PRR16: variants seen among roughly 807,000 people sequenced by gnomAD.
The protein encoded by PRR16 is proline rich 16.
In PRR16, 6 loss-of-function variants were observed where a neutral mutation model predicts 18.2. That is an observed-to-expected ratio of 0.33 (90% CI 0.18 to 0.65). The LOEUF (loss-of-function observed/expected upper bound fraction) is 0.65. PRR16 is among the 30% of genes least tolerant of loss of function. PRR16 has a pLI of 0.74. For synonymous variants in PRR16, 151 were observed against 147.8 expected, an observed-to-expected ratio of 1.02 and a Z score of -0.16; for missense variants, 412 against 376.6, an observed-to-expected ratio of 1.09 and a Z score of -0.78.
At chr5:120,582,215 A>G (rs1003416003) in intron 1 of PRR16, among the ~76,000 whole-genome samples, 35 of 152,186 alleles carry the variant, frequency 2.3e-4, no homozygotes, top group African/African-American at 7.5e-4. Flanking sequence ...AGAAAATGAA[A>G]TACTGCATGT....
At chr5:120,578,779 G>C (rs1327043873) in intron 1 of PRR16, among the ~76,000 whole-genome samples, 1 of 151,902 alleles carries the variant, frequency 6.6e-6, no homozygotes, top group East Asian at 1.9e-4. Context: ...GGGATTGCTG[G>C]GTGAAATGGT....
chr5:120,793,285 C>T, the PRR16 span, among the ~76,000 whole-genome samples: 1 of 151,570 alleles, frequency 6.6e-6, no homozygotes, highest in Non-Finnish European at 1.5e-5. Flanking sequence ...GTATCCAGTA[C>T]AACAAATGTA....
chr5:120,533,885 G>C (rs992905302), intron 1 of PRR16, among the ~76,000 whole-genome samples: 2 of 152,174 alleles, frequency 1.3e-5, no homozygotes, highest in African/African-American at 4.8e-5. Flanking sequence ...AAAATAGCCT[G>C]CAGGTAGTGA....
chr5:120,510,070 T>C (rs1290131222), intron 1 of PRR16, among the ~76,000 whole-genome samples: 1 of 152,118 alleles, frequency 6.6e-6, no homozygotes, highest in African/African-American at 2.4e-5. Flanking sequence ...GAGTTAAAGG[T>C]CCTTAGGTTA....
chr5:120,721,024 T>C, the PRR16 span, among the ~76,000 whole-genome samples: 1 of 152,102 alleles, frequency 6.6e-6, no homozygotes, highest in Non-Finnish European at 1.5e-5. Context: ...AAAGGTTATA[T>C]TGATGACCAT....
At chr5:120,769,055 C>T in the PRR16 span, among the ~76,000 whole-genome samples, 2 of 150,700 alleles carry the variant, frequency 1.3e-5, no homozygotes, top group African/African-American at 2.4e-5. Flanking sequence ...TTCTCAGTGT[C>T]CTCAAATTAA....
chr5:120,728,798 T>C, the PRR16 span, among the ~76,000 whole-genome samples: 1 of 152,214 alleles, frequency 6.6e-6, no homozygotes, highest in African/African-American at 2.4e-5. Flanking sequence ...CAGCCACATA[T>C]TACTTTGAAA....
intron 1 of PRR16, among the ~76,000 whole-genome samples, chr5:120,492,963 A>T (rs927798216): frequency 6.6e-6 from 1 of 152,158 alleles, no homozygotes; most frequent in African/African-American, 2.4e-5. Flanking sequence ...TTGTTGGCCG[A>T]TGGACACTTA....
chr5:120,623,344 C>G lies in PRR16; in HGVS notation c.160-62610C>G, dbSNP rs1461110781. 3.3e-5 allele frequency among the ~76,000 whole-genome samples: 5 copies of G among 152,102 alleles called. No homozygotes were observed. In the East Asian group the frequency reaches 9.7e-4, roughly 29 times the overall value. Reference sequence around the variant, plus strand: ...TATGTCCTAATTCATTCCTACTAATCAGGATTCTACCTATATAAATAAACT... The same window carrying G: ...TATGTCCTAATTCATTCCTACTAATGAGGATTCTACCTATATAAATAAACT... On this transcript the variant is annotated intron_variant, in intron 1 of 1. Transcript: ENST00000407149.
At chr5:120,767,618 T>A in the PRR16 span, among the ~76,000 whole-genome samples, 1 of 151,892 alleles carries the variant, frequency 6.6e-6, no homozygotes, top group African/African-American at 2.4e-5. Context: ...TTACTTTGAT[T>A]GCATAAAGTT....
At chr5:120,656,539 G>A (rs567134021) in intron 1 of PRR16, among the ~76,000 whole-genome samples, 3 of 150,144 alleles carry the variant, frequency 2.0e-5, no homozygotes, top group Non-Finnish European at 3.0e-5. Flanking sequence ...ATCGTTATAA[G>A]TATGATGCCA....
intron 1 of PRR16, among the ~76,000 whole-genome samples, chr5:120,634,000 A>G (rs570901589): frequency 6.6e-6 from 1 of 152,332 alleles, no homozygotes; most frequent in Admixed American, 6.5e-5. Flanking sequence ...ACTATTCATT[A>G]GCACATGGAA....
intron 1 of PRR16, among the ~76,000 whole-genome samples, chr5:120,575,522 T>C (rs1454625790): frequency 2.0e-5 from 3 of 152,114 alleles, no homozygotes; most frequent in East Asian, 3.9e-4. Flanking sequence ...CCAATAAACA[T>C]GGTATGTCAG....
intron 1 of PRR16, among the ~76,000 whole-genome samples, chr5:120,610,541 G>A (rs1462813301): frequency 1.3e-5 from 2 of 151,866 alleles, no homozygotes; most frequent in Non-Finnish European, 2.9e-5. Flanking sequence ...GAATCACGGG[G>A]GCCAGTCTTT....
chr5:120,547,085 C>T (rs1752098099), intron 1 of PRR16, among the ~76,000 whole-genome samples: 2 of 151,950 alleles, frequency 1.3e-5, no homozygotes, highest in South Asian at 4.1e-4. Context: ...TGTCATGGTG[C>T]TGGAGGGAAG....
intron 1 of PRR16, among the ~76,000 whole-genome samples, chr5:120,518,126 C>T (rs1412257940): frequency 6.6e-6 from 1 of 152,066 alleles, no homozygotes; most frequent in Non-Finnish European, 1.5e-5. Flanking sequence ...TTACGTCAAT[C>T]TTTTTTATCT....
chr5:120,694,873 A>T, the PRR16 span, among the ~76,000 whole-genome samples: 70,461 of 152,036 alleles, frequency 0.46, 16,983 homozygotes, highest in East Asian at 0.84. Context: ...AAATATTCAT[A>T]CAAGAATAAA....
intron 1 of PRR16, among the ~76,000 whole-genome samples, chr5:120,492,276 G>C (rs1208163781): frequency 6.6e-6 from 1 of 150,638 alleles, no homozygotes; most frequent in Non-Finnish European, 1.5e-5. Flanking sequence ...GTGTGTGTGT[G>C]TGTGTGTGTG....
At chr5:120,631,438 G>A (rs1755050816) in intron 1 of PRR16, among the ~76,000 whole-genome samples, 2 of 152,082 alleles carry the variant, frequency 1.3e-5, no homozygotes, top group South Asian at 4.1e-4. Flanking sequence ...GGTCTGGGAT[G>A]AGTTCTCAGC....
Sources: gnomAD v4.1 joint callset for allele counts (sites outside exome capture counted in the v4.1 genomes callset) on GRCh38, gnomAD v4.1.1 for gene constraint, MANE v1.5 for transcripts, NCBI Gene and HGNC (gene_info 2026-07-23, HGNC 2026-07-21) for gene names.